SHISA6: variants seen among roughly 807,000 people sequenced by gnomAD.
SHISA6 encodes protein shisa-6.
SHISA6 carries 22 observed loss-of-function variants against 47.9 expected under a neutral mutation model. That is an observed-to-expected ratio of 0.46 (90% CI 0.33 to 0.66). The LOEUF is 0.66. Among genes scored for constraint, SHISA6 ranks in the 30% least tolerant of loss-of-function variants. SHISA6 has a pLI of 0.02. For missense variants in SHISA6, 680 were observed against 764.6 expected (o/e 0.89, Z 1.30); for synonymous variants, 388 against 337.8 (o/e 1.15, Z -1.63).
At chr17:11,471,048 A>G (rs1186661394) in intron 3 of SHISA6, among the ~76,000 whole-genome samples, 1 of 152,082 alleles carries the variant, frequency 6.6e-6, no homozygotes, top group Non-Finnish European at 1.5e-5. Context: ...TGTCTCTACT[A>G]AAAATACAAA....
At chr17:11,543,673 TAAAG>T (rs2071853328) in intron 3 of SHISA6, among the ~76,000 whole-genome samples, 3 of 151,422 alleles carry the variant, frequency 2.0e-5, no homozygotes, top group South Asian at 4.2e-4. Flanking sequence ...AAAAGAAAAA[TAAAG>T]TAGGAGGATA....
At chr17:11,313,991 G>A (rs895975422) in intron 2 of SHISA6, among the ~76,000 whole-genome samples, 3 of 152,170 alleles carry the variant, frequency 2.0e-5, no homozygotes, top group African/African-American at 7.2e-5. Context: ...GGCAAAAGAG[G>A]TATCTGGGAG....
At chr17:11,380,691 G>A (rs575423718) in intron 3 of SHISA6, among the ~76,000 whole-genome samples, 3 of 152,166 alleles carry the variant, frequency 2.0e-5, no homozygotes, top group African/African-American at 4.8e-5. Flanking sequence ...ATAAACATCC[G>A]TTATCTCACA....
intron 3 of SHISA6, among the ~76,000 whole-genome samples, chr17:11,491,446 G>A (rs1223672186): frequency 6.6e-6 from 1 of 152,048 alleles, no homozygotes; most frequent in Non-Finnish European, 1.5e-5. Context: ...GACTACAAGC[G>A]AGTGTCACCA....
intron 3 of SHISA6, among the ~76,000 whole-genome samples, chr17:11,529,403 C>T (rs981624703): frequency 6.6e-6 from 1 of 152,032 alleles, no homozygotes; most frequent in Non-Finnish European, 1.5e-5. Context: ...GATAAATTGA[C>T]ATAAAACTGA....
Position 11,302,978 on chromosome 17 carries a change from G to A in SHISA6, c.799+39452G>A, listed in dbSNP as rs1909979796. On this transcript the variant is annotated intron_variant, in intron 2 of 5. Coordinates refer to ENST00000441885, the MANE Select transcript of SHISA6 (RefSeq NM_207386.4). ...GCTTTGTCATTTCCCATCAAGCTGG[G>A]CTGTAGCATGGGGTGTGGAGGGCTC... is the stretch of plus-strand genomic sequence containing the variant. 1.3e-5 allele frequency among the ~76,000 whole-genome samples: 2 copies of A among 152,194 alleles called. 1 individual carries two copies. Among genetic ancestry groups the A allele is most frequent in the Admixed American group, 1.3e-4 (2 of 15,280 alleles).
intron 2 of SHISA6, among the ~76,000 whole-genome samples, chr17:11,266,024 T>C (rs1194628275): frequency 6.6e-6 from 1 of 152,238 alleles, no homozygotes; most frequent in Non-Finnish European, 1.5e-5. Flanking sequence ...TCAGTTGTGA[T>C]GCTTAAATTT....
chr17:11,401,322 A>C (rs1407858076), intron 3 of SHISA6, among the ~76,000 whole-genome samples: 1 of 152,116 alleles, frequency 6.6e-6, no homozygotes, highest in Non-Finnish European at 1.5e-5. Flanking sequence ...CAGCCTCCTG[A>C]GTAGCTGGGA....
chr17:11,524,976 T>C (rs975564774), intron 3 of SHISA6, among the ~76,000 whole-genome samples: 1 of 152,216 alleles, frequency 6.6e-6, no homozygotes, highest in Non-Finnish European at 1.5e-5. Flanking sequence ...GGGTAGATGA[T>C]CCTTTCATGT....
At chr17:11,242,550 G>C (rs973493927) in intron 1 of SHISA6, among the ~76,000 whole-genome samples, 2 of 152,190 alleles carry the variant, frequency 1.3e-5, no homozygotes, top group African/African-American at 4.8e-5. Context: ...GGGTTTTATA[G>C]AAAGGATGCC....
At chr17:11,260,247 A>T (rs1908176709) in intron 1 of SHISA6, among the ~76,000 whole-genome samples, 1 of 152,150 alleles carries the variant, frequency 6.6e-6, no homozygotes, top group Non-Finnish European at 1.5e-5. Flanking sequence ...GGGAGCATCA[A>T]ACCTAGGCAA....
intron 2 of SHISA6, among the ~76,000 whole-genome samples, chr17:11,343,034 T>A (rs552314677): frequency 6.6e-6 from 1 of 152,316 alleles, no homozygotes; most frequent in South Asian, 2.1e-4. Context: ...AGGGACTGAC[T>A]TGGGGTGGTG....
intron 3 of SHISA6, among the ~76,000 whole-genome samples, chr17:11,431,107 A>G (rs866599983): frequency 2.0e-5 from 3 of 152,154 alleles, no homozygotes; most frequent in African/African-American, 4.8e-5. Context: ...AGTTTCCCAC[A>G]TCTTCTTCCG....
chr17:11,493,674 G>A (rs1053489286), intron 3 of SHISA6, among the ~76,000 whole-genome samples: 16 of 152,180 alleles, frequency 1.1e-4, no homozygotes, highest in African/African-American at 3.6e-4. Context: ...AAGGGGTACC[G>A]TATACAAGGC....
chr17:11,503,566 C>G (rs1321576756), intron 3 of SHISA6, among the ~76,000 whole-genome samples: 1 of 152,212 alleles, frequency 6.6e-6, no homozygotes, highest in African/African-American at 2.4e-5. Flanking sequence ...TTCCTCCCCT[C>G]TTTATCTTTG....
At chr17:11,534,991 G>T (rs1200406784) in intron 3 of SHISA6, among the ~76,000 whole-genome samples, 1 of 152,050 alleles carries the variant, frequency 6.6e-6, no homozygotes. Flanking sequence ...AGCCATGCGT[G>T]GTGGCAGGCA....
rs2072058478 is a variant in SHISA6 at position 11,562,893 on chromosome 17, T to A, written c.*4589T>A. 2 of 152,374 alleles carry A rather than the reference T, an allele frequency of 1.3e-5. No homozygotes were observed. Among genetic ancestry groups the A allele is most frequent in the South Asian group, 4.1e-4 (2 of 4,828 alleles). The allele number at this position is 152,374 out of a possible 1,614,324, so 9.4% of individuals were successfully genotyped here. A position where few individuals can be genotyped will look rare whatever the true frequency, so the allele number is the denominator to read the frequency against. On this transcript the variant is annotated 3_prime_UTR_variant, in exon 6 of 6. Coordinates refer to ENST00000441885, the MANE Select transcript of SHISA6 (RefSeq NM_207386.4). Reference sequence around the variant, plus strand: ...TCACTAGAGCCTGGGGTGGGCCTGATGGGCTCGGCCACCCAGGGATGCCCT... The same window carrying A: ...TCACTAGAGCCTGGGGTGGGCCTGAAGGGCTCGGCCACCCAGGGATGCCCT...
At chr17:11,405,921 C>T (rs963594024) in intron 3 of SHISA6, among the ~76,000 whole-genome samples, 1 of 152,114 alleles carries the variant, frequency 6.6e-6, no homozygotes. Context: ...GGCCTGCTAC[C>T]TTCTCTCCAA....
chr17:11,483,330 A>C (rs1193869558), intron 3 of SHISA6, among the ~76,000 whole-genome samples: 1 of 151,992 alleles, frequency 6.6e-6, no homozygotes, highest in Non-Finnish European at 1.5e-5. Flanking sequence ...GCAAACCAAA[A>C]TACGAATAAT....
Sources: gnomAD v4.1 joint callset for allele counts (sites outside exome capture counted in the v4.1 genomes callset) on GRCh38, gnomAD v4.1.1 for gene constraint, MANE v1.5 for transcripts, NCBI Gene and HGNC (gene_info 2026-07-23, HGNC 2026-07-21) for gene names.